Variants in PRDM15 observed in about 807,000 individuals in gnomAD.
The protein encoded by PRDM15 is PR/SET domain 15.
PRDM15 carries 64 observed loss-of-function variants against 128.6 expected under a neutral mutation model. That is an observed-to-expected ratio of 0.50 (90% CI 0.41 to 0.61). The LOEUF (loss-of-function observed/expected upper bound fraction) is 0.61. Ranked by LOEUF, PRDM15 falls within the 20% of genes least tolerant of loss-of-function variation. PRDM15 has a pLI of 0.00. For missense variants in PRDM15, 1,242 were observed against 1,569.1 expected, an observed-to-expected ratio of 0.79 and a Z score of 3.52; for synonymous variants, 615 against 621.8, an observed-to-expected ratio of 0.99 and a Z score of 0.16.
chr21:41,809,859 A>G (rs1171824879), intron 21 of PRDM15, among the ~76,000 whole-genome samples: 1 of 152,190 alleles, frequency 6.6e-6, no homozygotes. Flanking sequence ...CATTAGTTCC[A>G]TGAGTGGGAA....
chr21:41,825,857 C>A (rs961701372), intron 13 of PRDM15, 103 bp downstream of exon 13: 3 of 925,434 alleles, frequency 3.2e-6, no homozygotes, highest in Admixed American at 2.0e-5. Flanking sequence ...CGTTACCCCC[C>A]AAATCTTCCC....
intron 4 of PRDM15, among the ~76,000 whole-genome samples, chr21:41,856,865 C>G (rs977393888): frequency 2.0e-5 from 3 of 152,322 alleles, no homozygotes; most frequent in Middle Eastern, 6.8e-3. Flanking sequence ...GACGCTGCCT[C>G]GTAAAGCCTG....
At chr21:41,836,079 C>A (rs1388715763) in intron 10 of PRDM15, 34 bp downstream of exon 10, 5 of 1,501,946 alleles carry the variant, frequency 3.3e-6, no homozygotes, top group Non-Finnish European at 3.7e-6. Context: ...GTCCACACAA[C>A]TGGGAAGAGA....
At position 41,810,917 on chromosome 21, in the gene PRDM15, G is replaced by C; in HGVS notation, c.2393-81C>G. Reference sequence around the variant, plus strand: ...TCAGGGCATGTCTTCTCCCTGACACGTTCCAGGCACTGTAGGGCCTTCAGG... The same window carrying C: ...TCAGGGCATGTCTTCTCCCTGACACCTTCCAGGCACTGTAGGGCCTTCAGG... On this transcript the variant is annotated intron_variant, in intron 19 of 23. Coordinates refer to ENST00000398548, the MANE Select transcript of PRDM15 (RefSeq NM_001040424.3). The surrounding 1 kb of genome is among the most constrained non-coding windows in gnomAD (Gnocchi z 6.4). 1 of 1,278,298 alleles carries C rather than the reference G, an allele frequency of 7.8e-7. No homozygotes were observed. Among genetic ancestry groups the C allele is most frequent in the South Asian group, 1.2e-5 (1 of 83,348 alleles). The allele number at this position is 1,278,298 out of a possible 1,614,324, so 79.2% of individuals were successfully genotyped here.
chr21:41,864,917 G>C (rs1234486384), intron 1 of PRDM15, among the ~76,000 whole-genome samples: 1 of 91,144 alleles, frequency 1.1e-5, no homozygotes, highest in Non-Finnish European at 2.1e-5. Flanking sequence ...ACGCTTCCCG[G>C]AACGCCAAGC....
At chr21:41,867,511 A>C in intron 1 of PRDM15, 1 of 626,180 alleles carries the variant, frequency 1.6e-6, no homozygotes, top group Non-Finnish European at 2.7e-6. Context: ...AGGCGTGAAC[A>C]TAGCGCACTA....
chr21:41,832,276 C>T lies in PRDM15; in HGVS notation c.1366+3161G>A, dbSNP rs2062718491. Among the ~76,000 whole-genome samples the T allele has an allele frequency of 6.6e-6, 1 of 152,180 alleles. No homozygotes were observed. Among genetic ancestry groups the T allele is most frequent in the African/African-American group, 2.4e-5 (1 of 41,450 alleles). On this transcript the variant is annotated intron_variant, in intron 11 of 23. Coordinates refer to ENST00000398548, the MANE Select transcript of PRDM15 (RefSeq NM_001040424.3). The surrounding 1 kb of genome is among the most constrained non-coding windows in gnomAD (Gnocchi z 4.2). The stretch of plus-strand genomic sequence containing the variant: ...GGAATGGGACCACTAGAGCCAAGCG[C>T]TTTGTGAAAGGCCACACCTTACAGC...
intron 1 of PRDM15, among the ~76,000 whole-genome samples, chr21:41,872,876 T>C (rs897175954): frequency 3.9e-5 from 6 of 152,256 alleles, no homozygotes; most frequent in African/African-American, 1.4e-4. Context: ...TTTATAGAAC[T>C]GTGCTAGGTG....
intron 5 of PRDM15, among the ~76,000 whole-genome samples, chr21:41,847,915 A>G (rs1483044037): frequency 2.0e-5 from 3 of 152,234 alleles, no homozygotes; most frequent in Non-Finnish European, 4.4e-5. Context: ...CCTGGCTATA[A>G]AGAGAACTAC....
At chr21:41,853,942 C>T (rs780087001) in intron 5 of PRDM15, among the ~76,000 whole-genome samples, 3 of 152,142 alleles carry the variant, frequency 2.0e-5, no homozygotes, top group African/African-American at 4.8e-5. Flanking sequence ...CTGTTTCCTC[C>T]GTCCAAAGAC....
intron 5 of PRDM15, among the ~76,000 whole-genome samples, chr21:41,853,260 T>C (rs1345808443): frequency 6.6e-6 from 1 of 152,242 alleles, no homozygotes; most frequent in African/African-American, 2.4e-5. Context: ...GCCTCAATCA[T>C]ACTGACAAAC....
intron 19 of PRDM15, chr21:41,815,024 T>C (rs1453747992): frequency 6.5e-6 from 1 of 154,854 alleles, no homozygotes; most frequent in African/African-American, 2.4e-5. Context: ...GAATGCCTCG[T>C]GTTAGTGATT....
At chr21:41,867,421 C>T in intron 1 of PRDM15, 4 of 1,382,266 alleles carry the variant, frequency 2.9e-6, no homozygotes, top group Non-Finnish European at 4.1e-6. Context: ...CTACACACTT[C>T]AGCAGAACAG....
At chr21:41,819,260 T>A (rs1359507414) in intron 18 of PRDM15, among the ~76,000 whole-genome samples, 2 of 152,164 alleles carry the variant, frequency 1.3e-5, no homozygotes, top group Non-Finnish European at 2.9e-5. Context: ...CTTGGTCACA[T>A]CCCCTTCCAG....
At chr21:41,851,693 G>A (rs191745268) in intron 5 of PRDM15, among the ~76,000 whole-genome samples, 4 of 152,238 alleles carry the variant, frequency 2.6e-5, no homozygotes, top group South Asian at 4.2e-4. Context: ...CAGGGCAGCC[G>A]GCAGCACTTC....
At chr21:41,843,970 A>G (rs1046217523) in intron 6 of PRDM15, among the ~76,000 whole-genome samples, 1 of 149,822 alleles carries the variant, frequency 6.7e-6, no homozygotes, top group African/African-American at 2.5e-5. Context: ...AAAAAAAAAA[A>G]AGAAAGAAAG....
Position 41,879,244 on chromosome 21 carries a change from G to T in PRDM15, c.-10+26C>A. The T allele has an allele frequency of 1.1e-6, 1 of 905,528 alleles. No individual in the cohort carries two copies. Among genetic ancestry groups the T allele is most frequent in the Non-Finnish European group, 1.3e-6 (1 of 752,640 alleles). The allele number at this position is 905,528 out of a possible 1,614,324, so 56.1% of individuals were successfully genotyped here. A position where few individuals can be genotyped will look rare whatever the true frequency, so the allele number is the denominator to read the frequency against. ...CGGCGGGGCGCACGCCGGGGCGGGC[G>T]GCGGGCGCAGGGCCCGGAGCTTTAC... On this transcript the variant is annotated intron_variant, in intron 1 of 23. Transcript: ENST00000398548. This position sits in a 1 kb window ranked among gnomAD's most constrained non-coding sequence, Gnocchi z 5.1.
intron 11 of PRDM15, among the ~76,000 whole-genome samples, chr21:41,830,613 C>A (rs1429676645): frequency 4.0e-5 from 6 of 151,598 alleles, no homozygotes; most frequent in African/African-American, 1.5e-4. Context: ...ACCACATACA[C>A]ACAAACACAC....
Position 41,810,128 on chromosome 21 carries a change from C to T in PRDM15, c.2652+26G>A, listed in dbSNP as rs928309395. ...CGGTGCGCGGCCCGCTGGCGGGGCA[C>T]GGAGGGGGCACAGCCACCAGCTCAC... On this transcript the variant is annotated intron_variant, in intron 21 of 23. Transcript: ENST00000398548. This position sits in a 1 kb window ranked among gnomAD's most constrained non-coding sequence, Gnocchi z 6.4. 21 of 1,588,494 alleles carry T rather than the reference C, an allele frequency of 1.3e-5. No homozygotes were observed. In the East Asian group the frequency reaches 2.2e-4, roughly 17 times the overall value.
Sources: allele counts gnomAD v4.1 joint callset (sites outside exome capture counted in the v4.1 genomes callset), GRCh38; gene constraint gnomAD v4.1.1; non-coding constraint Gnocchi (gnomAD v3.1); transcripts MANE v1.5; gene names NCBI Gene and HGNC (gene_info 2026-07-23, HGNC 2026-07-21).